Variants in TGFBR1 observed in about 807,000 individuals in gnomAD.
TGFBR1 encodes the protein transforming growth factor beta receptor 1.
TGFBR1 carries 20 observed loss-of-function variants against 55.1 expected under a neutral mutation model. The observed-to-expected ratio is 0.36, with a 90% CI of 0.26 to 0.53. The LOEUF (loss-of-function observed/expected upper bound fraction) is 0.53, where lower values mean the gene tolerates loss of function less well. Among genes scored for constraint, TGFBR1 ranks in the 20% least tolerant of loss-of-function variants. The pLI, the probability that TGFBR1 is intolerant of heterozygous loss-of-function variation, is 0.91. For synonymous variants in TGFBR1, 220 were observed against 214.8 expected (o/e 1.02, Z -0.21); for missense variants, 385 against 617.6 (o/e 0.62, Z 3.99).
intron 1 of TGFBR1, among the ~76,000 whole-genome samples, chr9:99,107,564 A>G (rs536394013): frequency 6.6e-6 from 1 of 152,248 alleles, no homozygotes; most frequent in Admixed American, 6.5e-5. Context: ...CTTTCTTGGT[A>G]TGCAGCCTTC....
In TGFBR1 at chr9:99,128,962, A is replaced by T; in HGVS notation, c.205A>T (p.Ser69Cys). Residue 69 changes from serine to cysteine, a missense_variant, in exon 2 of 9, where the codon AGC becomes TGC. Physicochemically the swap from Ser to Cys is moderately radical, Grantham distance 112. This residue lies in a region of TGFBR1 where 146 missense variants were observed against 167.7 expected (regional missense o/e 0.87). Coordinates refer to ENST00000374994, the MANE Select transcript of TGFBR1 (RefSeq NM_004612.4). Reference protein sequence around the residue: ...TETTDKVIHNSMCIAEIDLIP... With the variant: ...TETTDKVIHNCMCIAEIDLIP... ...GACCACAGACAAAGTTATACACAAC[A>T]GCATGTGTATAGCTGAAATTGACTT... The T allele has an allele frequency of 6.2e-7, 1 of 1,614,002 alleles. No individual in the cohort carries two copies. The highest frequency in any genetic ancestry group is 8.5e-7 in the Non-Finnish European group (1 of 1,179,940).
At chr9:99,143,355 A>G (rs1463579239) in intron 5 of TGFBR1, among the ~76,000 whole-genome samples, 3 of 152,248 alleles carry the variant, frequency 2.0e-5, no homozygotes, top group African/African-American at 7.2e-5. Context: ...AAACATCAAC[A>G]TGCTAGGTAA....
At chr9:99,143,701 A>G (rs1214875636) in intron 5 of TGFBR1, among the ~76,000 whole-genome samples, 1 of 152,000 alleles carries the variant, frequency 6.6e-6, no homozygotes, top group Non-Finnish European at 1.5e-5. Flanking sequence ...TGTAAAATTC[A>G]GTGGTTTTTA....
intron 1 of TGFBR1, among the ~76,000 whole-genome samples, chr9:99,125,033 A>G (rs539967333): frequency 1.9e-4 from 29 of 152,344 alleles, no homozygotes; most frequent in African/African-American, 6.7e-4. Flanking sequence ...ACAAAATTCA[A>G]ATGAATACAA....
chr9:99,118,362 G>A (rs1826807002), intron 1 of TGFBR1, among the ~76,000 whole-genome samples: 1 of 152,156 alleles, frequency 6.6e-6, no homozygotes, highest in Non-Finnish European at 1.5e-5. Context: ...ATGTTGAGAA[G>A]TAGTGATGGA....
At chr9:99,129,451 G>A (rs1827148844) in intron 2 of TGFBR1, among the ~76,000 whole-genome samples, 1 of 152,190 alleles carries the variant, frequency 6.6e-6, no homozygotes, top group African/African-American at 2.4e-5. Flanking sequence ...ATCTTTTAAA[G>A]CAATCACAGT....
Position 99,152,249 on chromosome 9 carries a change from T to C in TGFBR1, c.*2944T>C, listed in dbSNP as rs1376413387. 1.9e-5 allele frequency: 4 copies of C among 214,542 alleles called. No individual in the cohort carries two copies. The highest frequency in any genetic ancestry group is 3.8e-5 in the Non-Finnish European group (4 of 106,100). The allele number at this position is 214,542 out of a possible 1,614,324, so 13.3% of individuals were successfully genotyped here. A position where few individuals can be genotyped will look rare whatever the true frequency, so the allele number is the denominator to read the frequency against. ...TCTCCAAGTTTGGAGATTGAGCAGA[T>C]GAGGCTTGGGATGCCCCTGCTTTGA... On this transcript the variant is annotated 3_prime_UTR_variant, in exon 9 of 9. Coordinates refer to ENST00000374994, the MANE Select transcript of TGFBR1 (RefSeq NM_004612.4).
At chr9:99,130,814 A>G (rs770221027) in intron 2 of TGFBR1, among the ~76,000 whole-genome samples, 1 of 152,232 alleles carries the variant, frequency 6.6e-6, no homozygotes, top group Non-Finnish European at 1.5e-5. Context: ...GTTATTCACT[A>G]TGAAATGAGA....
chr9:99,105,107 C>T (rs939480495), upstream of TGFBR1: 4 of 960,916 alleles, frequency 4.2e-6, no homozygotes, highest in Admixed American at 1.1e-4. Flanking sequence ...GGAGCGAGGC[C>T]GCCGCGGCGG....
intron 2 of TGFBR1, among the ~76,000 whole-genome samples, chr9:99,130,459 G>A (rs557654572): frequency 6.6e-6 from 1 of 152,322 alleles, no homozygotes; most frequent in East Asian, 1.9e-4. Flanking sequence ...GTAAGGGTTG[G>A]TCGGACTACA....
rs1035595892 is a variant in TGFBR1, at chr9:99,147,769, A to G, written c.1371A>G (p.Arg457=). ...EQKLRPNIPN[R]WQSCEALRVM... is the part of the protein sequence containing the mutation. ...AGTTAAGGCCAAATATCCCAAACAG[A>G]TGGCAGAGCTGTGAAGTGAGTATTT... Residue 457 remains arginine (R), a synonymous_variant, in exon 8 of 9, where the codon AGA becomes AGG. Coordinates refer to ENST00000374994, the MANE Select transcript of TGFBR1 (RefSeq NM_004612.4). The G allele has an allele frequency of 6.2e-7, 1 of 1,613,832 alleles. No individual in the cohort carries two copies. Among genetic ancestry groups the G allele is most frequent in the Non-Finnish European group, 8.5e-7 (1 of 1,179,814 alleles).
chr9:99,116,962 A>G (rs1257017738), intron 1 of TGFBR1, among the ~76,000 whole-genome samples: 1 of 152,250 alleles, frequency 6.6e-6, no homozygotes, highest in Non-Finnish European at 1.5e-5. Flanking sequence ...AAATATAGAA[A>G]TAATACAAAA....
intron 1 of TGFBR1, among the ~76,000 whole-genome samples, chr9:99,110,520 T>C (rs1826536564): frequency 6.6e-6 from 1 of 152,228 alleles, no homozygotes; most frequent in Non-Finnish European, 1.5e-5. Flanking sequence ...AGAAGATAAC[T>C]GTAGGTTTTG....
intron 4 of TGFBR1, among the ~76,000 whole-genome samples, chr9:99,138,891 G>C (rs1367120529): frequency 2.0e-5 from 3 of 151,796 alleles, no homozygotes; most frequent in Non-Finnish European, 4.4e-5. Flanking sequence ...TCTGCCTCCT[G>C]GGTTCAAGTG....
chr9:99,140,391 T>C (rs1406869014), intron 4 of TGFBR1, among the ~76,000 whole-genome samples: 1 of 151,756 alleles, frequency 6.6e-6, no homozygotes, highest in African/African-American at 2.4e-5. Context: ...GAGGTGGAGG[T>C]TGCAGTCAGA....
chr9:99,109,237 T>A (rs192565801), intron 1 of TGFBR1, among the ~76,000 whole-genome samples: 251 of 152,296 alleles, frequency 1.6e-3, no homozygotes, highest in African/African-American at 5.6e-3. Context: ...AATTTTTTTT[T>A]AATTGCTGAT....
Position 99,142,711 on chromosome 9 carries a change from TATAA to T in TGFBR1, c.973+9_973+12del. 6.2e-7 allele frequency: 1 copy of T among 1,613,898 alleles called. No individual in the cohort carries two copies. The highest frequency in any genetic ancestry group is 8.5e-7 in the Non-Finnish European group (1 of 1,179,776). ...AGATTGTTGGTACCCAAGGTAATTCTATAAGCAGTTCTATTATTTAAGCTTTAAA... is the reference window on the plus strand; with the variant it reads ...AGATTGTTGGTACCCAAGGTAATTCTGCAGTTCTATTATTTAAGCTTTAAA... On this transcript the variant is annotated intron_variant, in intron 5 of 8. Transcript: ENST00000374994.
intron 5 of TGFBR1, among the ~76,000 whole-genome samples, chr9:99,143,611 A>G (rs1347568248): frequency 6.6e-6 from 1 of 152,194 alleles, no homozygotes; most frequent in Non-Finnish European, 1.5e-5. Flanking sequence ...TCTTAGCTCC[A>G]TCTTTGTAGT....
Position 99,129,046 on chromosome 9 carries a change from A to G in TGFBR1, c.289A>G (p.Thr97Ala). 6.2e-7 allele frequency: 1 copy of G among 1,614,026 alleles called. No individual in the cohort carries two copies. The highest frequency in any genetic ancestry group is 8.5e-7 in the Non-Finnish European group (1 of 1,179,952). Residue 97 changes from threonine to alanine, a missense_variant, in exon 2 of 9, where the codon ACA becomes GCA. Transcript: ENST00000374994. ...APSSKTGSVT[T>A]TYCCNQDHCN... ...CTCTTCAAAAACTGGGTCTGTGACT[A>G]CAACATATTGCTGCAATCAGGACCA...
Sources: allele counts gnomAD v4.1 joint callset (sites outside exome capture counted in the v4.1 genomes callset), GRCh38; gene constraint gnomAD v4.1.1; regional missense constraint gnomAD v4.1.1; transcripts MANE v1.5; gene names NCBI Gene and HGNC (gene_info 2026-07-23, HGNC 2026-07-21).